ENO1: variants seen among roughly 807,000 people sequenced by gnomAD.
The protein encoded by ENO1 is alpha-enolase.
A neutral mutation model predicts 46.3 loss-of-function variants in ENO1; 33 were observed. The ratio of observed to expected loss-of-function variants is 0.71; its 90% CI spans 0.54 to 0.95. The LOEUF is 0.95. Among genes scored for constraint, ENO1 ranks in the 40% least tolerant of loss-of-function variants. ENO1 has a pLI of 0.00. For missense variants in ENO1, 488 were observed against 553.3 expected, an observed-to-expected ratio of 0.88 and a Z score of 1.18; for synonymous variants, 220 against 216.0, an observed-to-expected ratio of 1.02 and a Z score of -0.16.
In ENO1 at chr1:8,863,963, A is replaced by G; in HGVS notation, c.995T>C (p.Val332Ala). Residue 332 changes from valine (V) to alanine (A), a missense_variant, in exon 9 of 12, where the codon GTG becomes GCG. Coordinates refer to ENST00000234590, the MANE Select transcript of ENO1 (RefSeq NM_001428.5). The stretch of plus-strand genomic sequence containing the variant: ...GAGGCAGTTGCAGGACTTCTCGTTC[A>G]CGGCCTTGGCGATCCTCTTTGGGTT... ...VTNPKRIAKA[V>A]NEKSCNCLLL... is the part of the protein sequence containing the mutation. The G allele has an allele frequency of 6.2e-7, 1 of 1,614,048 alleles. No homozygotes were observed. The highest frequency in any genetic ancestry group is 1.3e-5 in the African/African-American group (1 of 74,988).
chr1:8,863,181 G>A, intron 10 of ENO1, 54 bp downstream of exon 10: 1 of 1,592,722 alleles, frequency 6.3e-7, no homozygotes, highest in Non-Finnish European at 8.6e-7. Flanking sequence ...ACTGGTTTTG[G>A]GTCTTCCTAG....
intron 1 of ENO1, among the ~76,000 whole-genome samples, chr1:8,877,014 G>A (rs1642748651): frequency 6.6e-6 from 1 of 150,634 alleles, no homozygotes; most frequent in Admixed American, 6.6e-5. Context: ...TTTTGAGACG[G>A]AGTCGCGCTC....
chr1:8,867,644 C>A (rs2124077443), intron 5 of ENO1, among the ~76,000 whole-genome samples: 1 of 152,188 alleles, frequency 6.6e-6, no homozygotes, highest in Admixed American at 6.5e-5. Context: ...CAAGCTCCGC[C>A]CGGGACCATT....
intron 2 of ENO1, 72 bp from the exon 3 acceptor site, chr1:8,872,058 G>C: frequency 1.6e-6 from 2 of 1,254,176 alleles, no homozygotes; most frequent in Non-Finnish European, 2.3e-6. Context: ...GTCCCCTCCC[G>C]CCCACAGATG....
chr1:8,871,229 C>A (rs957204573), intron 3 of ENO1: 3 of 1,030,446 alleles, frequency 2.9e-6, no homozygotes, highest in Non-Finnish European at 3.5e-6. Context: ...TCATCATTGT[C>A]CCCTCCCTGC....
chr1:8,876,095 A>C (rs988234882), intron 1 of ENO1: 1 of 152,120 alleles, frequency 6.6e-6, no homozygotes, highest in South Asian at 2.1e-4. Flanking sequence ...TCAAAGAAAA[A>C]CCCATTCTTA....
intron 4 of ENO1, among the ~76,000 whole-genome samples, chr1:8,868,284 T>C (rs1465641820): frequency 6.6e-6 from 1 of 152,116 alleles, no homozygotes; most frequent in Non-Finnish European, 1.5e-5. Flanking sequence ...GCAACAGAGA[T>C]GGCACTCTCA....
At chr1:8,876,746 C>A (rs1441919499) in intron 1 of ENO1, among the ~76,000 whole-genome samples, 1 of 150,390 alleles carries the variant, frequency 6.6e-6, no homozygotes, top group Non-Finnish European at 1.5e-5. Flanking sequence ...TGCAGTGAGT[C>A]GAGATCGCGC....
At chr1:8,876,126 C>T (rs1420387075) in intron 1 of ENO1, 1 of 152,058 alleles carries the variant, frequency 6.6e-6, no homozygotes, top group African/African-American at 2.4e-5. Context: ...TGGCGCTCTC[C>T]AAAGAAACTA....
intron 1 of ENO1, among the ~76,000 whole-genome samples, chr1:8,875,501 G>T (rs892348794): frequency 6.6e-6 from 1 of 152,180 alleles, no homozygotes; most frequent in Non-Finnish European, 1.5e-5. Flanking sequence ...AAGGTCACAA[G>T]CAAAACCACC....
At chr1:8,874,333 G>C (rs1471189955) in intron 2 of ENO1, among the ~76,000 whole-genome samples, 1 of 152,102 alleles carries the variant, frequency 6.6e-6, no homozygotes, top group Non-Finnish European at 1.5e-5. Context: ...GGCACTTTGG[G>C]AGGCAGAGGC....
At chr1:8,864,211 T>C (rs1480228368) in intron 8 of ENO1, 119 bp from the exon 9 acceptor site, 2 of 1,125,270 alleles carry the variant, frequency 1.8e-6, no homozygotes, top group Non-Finnish European at 2.7e-6. Flanking sequence ...CCCAAAAGCA[T>C]AGGATGGGGA....
intron 11 of ENO1, among the ~76,000 whole-genome samples, chr1:8,861,793 G>C (rs1057335284): frequency 4.7e-5 from 7 of 147,872 alleles, no homozygotes; most frequent in African/African-American, 1.8e-4. Context: ...AAAAAATATT[G>C]AAGGGACAAC....
chr1:8,867,554 T>A (rs1266610329), intron 5 of ENO1, among the ~76,000 whole-genome samples: 2 of 52,096 alleles, frequency 3.8e-5, no homozygotes, highest in East Asian at 6.6e-4. Flanking sequence ...CAAAAAAAAT[T>A]TTTTTTTTTC....
chr1:8,861,769 T>C (rs1642410091), intron 11 of ENO1, among the ~76,000 whole-genome samples: 2 of 151,638 alleles, frequency 1.3e-5, no homozygotes, highest in Admixed American at 6.6e-5. Flanking sequence ...AAAATTCTAA[T>C]GCTTTTGTTT....
In ENO1 at chr1:8,878,683, T is replaced by C. The variant is rs1247270137; in HGVS notation, c.-113A>G. On this transcript the variant is annotated 5_prime_UTR_variant, in exon 1 of 12. Transcript: ENST00000234590. ...TCTCCGTGCTCCGGGTACCCACAGATACTGTCCGCGCCGCCCGCGCCGACT... is the reference window on the plus strand; with the variant it reads ...TCTCCGTGCTCCGGGTACCCACAGACACTGTCCGCGCCGCCCGCGCCGACT... The C allele has an allele frequency of 4.4e-6, 2 of 455,968 alleles. No homozygotes were observed. The highest frequency in any genetic ancestry group is 4.7e-5 in the Admixed American group (2 of 42,576). 28.2% of individuals were successfully genotyped at this position (455,968 alleles called of 1,614,324 possible).
rs879101115 is a variant in ENO1 at position 8,865,281 on chromosome 1, T to A, written c.865+4A>T. On this transcript the variant is annotated splice_donor_region_variant and intron_variant, in intron 8 of 11. Coordinates refer to ENST00000234590, the MANE Select transcript of ENO1 (RefSeq NM_001428.5). Reference sequence around the variant, plus strand: ...AAGGGAGATGGCACTCGGGGAACACTCACCTGGGTAGTCCTTGATGAAGGA... The same window carrying A: ...AAGGGAGATGGCACTCGGGGAACACACACCTGGGTAGTCCTTGATGAAGGA... The A allele has an allele frequency of 6.2e-7, 1 of 1,613,610 alleles. No individual in the cohort carries two copies. The highest frequency in any genetic ancestry group is 1.7e-4 in the Middle Eastern group (1 of 6,048).
rs1435851067 is a variant in ENO1 at position 8,861,067 on chromosome 1, C to T, written c.*293G>A. The T allele has an allele frequency of 2.8e-6, 1 of 359,924 alleles. No homozygotes were observed. Among genetic ancestry groups the T allele is most frequent in the Non-Finnish European group, 5.1e-6 (1 of 196,768 alleles). 22.3% of individuals were successfully genotyped at this position (359,924 alleles called of 1,614,324 possible). A position where few individuals can be genotyped will look rare whatever the true frequency, so the allele number is the denominator to read the frequency against. On this transcript the variant is annotated 3_prime_UTR_variant, in exon 12 of 12. Coordinates refer to ENST00000234590, the MANE Select transcript of ENO1 (RefSeq NM_001428.5). ...CCACCGGGGATCTAGCCTGTGGCCA[C>T]CCCGGAGATGACACGAGGCTCACAT...
chr1:8,873,040 CCTGCTGCACTGCAG>C (rs1330675479), intron 2 of ENO1, among the ~76,000 whole-genome samples: 1 of 152,190 alleles, frequency 6.6e-6, no homozygotes. Flanking sequence ...AGCAGTGTTC[CCTGCTGCACTGCAG>C]TGTGCGCTAT....
Sources: gnomAD v4.1 joint callset for allele counts (sites outside exome capture counted in the v4.1 genomes callset) on GRCh38, gnomAD v4.1.1 for gene constraint, MANE v1.5 for transcripts, NCBI Gene and HGNC (gene_info 2026-07-23, HGNC 2026-07-21) for gene names.